Variants in SGCD observed in about 807,000 individuals in gnomAD.
SGCD encodes delta-sarcoglycan.
SGCD carries 18 observed loss-of-function variants against 36.6 expected under a neutral mutation model. That is an observed-to-expected ratio of 0.49 (90% CI 0.34 to 0.73). SGCD has a LOEUF of 0.73. Among genes scored for constraint, SGCD ranks in the 30% least tolerant of loss-of-function variants. SGCD has a pLI of 0.01. For missense variants in SGCD, 387 were observed against 346.7 expected, an observed-to-expected ratio of 1.12 and a Z score of -0.92; for synonymous variants, 133 against 130.6, an observed-to-expected ratio of 1.02 and a Z score of -0.12.
chr5:156,573,799 T>C lies in SGCD; in HGVS notation c.295-15432T>C, dbSNP rs371812814. Among the ~76,000 whole-genome samples, 33 of 152,246 alleles carry C rather than the reference T, an allele frequency of 2.2e-4. No individual in the cohort carries two copies. In the South Asian group the frequency reaches 6.9e-3, roughly 32 times the overall value. ...ACCTCAAACTCCTGGACTCAAGTGA[T>C]CCTCTCAACTCTGCCTCCCCAGTAG... On this transcript the variant is annotated intron_variant, in intron 4 of 8. Transcript: ENST00000337851.
intron 3 of SGCD, among the ~76,000 whole-genome samples, chr5:156,142,226 G>GAA (rs1227164476): frequency 6.6e-6 from 1 of 152,116 alleles, no homozygotes; most frequent in African/African-American, 2.4e-5. Context: ...AAGTTTCCTG[G>GAA]GGCCTCCCCG....
intron 7 of SGCD, among the ~76,000 whole-genome samples, chr5:156,648,993 G>A (rs930225126): frequency 6.6e-5 from 10 of 152,014 alleles, no homozygotes; most frequent in Non-Finnish European, 1.2e-4. Flanking sequence ...GTGATGATTA[G>A]CCCCAAGAAA....
chr5:155,928,729 T>C (rs970625795), intron 1 of SGCD, among the ~76,000 whole-genome samples: 4 of 144,932 alleles, frequency 2.8e-5, no homozygotes, highest in African/African-American at 1.0e-4. Flanking sequence ...AAAATATGAA[T>C]GCCTTTAGGA....
At chr5:156,046,896 G>A (rs1759779577) in intron 1 of SGCD, among the ~76,000 whole-genome samples, 1 of 152,136 alleles carries the variant, frequency 6.6e-6, no homozygotes, top group East Asian at 1.9e-4. Flanking sequence ...GAAAGCTTGG[G>A]CTCTTGCATC....
intron 1 of SGCD, among the ~76,000 whole-genome samples, chr5:156,070,985 T>C (rs959935814): frequency 3.3e-5 from 5 of 152,214 alleles, no homozygotes; most frequent in African/African-American, 4.8e-5. Context: ...ATATCCCCTT[T>C]ATCATTTTTT....
Position 156,087,606 on chromosome 5 carries a change from C to T in SGCD, c.-281-30272C>T, listed in dbSNP as rs145718760. The stretch of plus-strand genomic sequence containing the variant: ...AGTGAGCCGAGATCGAGCCATTGCA[C>T]TCCAGCCTGGGTGACAAGAGTGAAA... On this transcript the variant is annotated intron_variant, in intron 1 of 9. Transcript: ENST00000517913. Among the ~76,000 whole-genome samples, 289 of 145,098 alleles carry T rather than the reference C, an allele frequency of 2.0e-3. 1 individual carries two copies. The highest frequency in any genetic ancestry group is 7.0e-3 in the African/African-American group (273 of 38,762).
At chr5:156,590,927 C>T (rs1271122948) in intron 5 of SGCD, among the ~76,000 whole-genome samples, 1 of 151,884 alleles carries the variant, frequency 6.6e-6, no homozygotes, top group Non-Finnish European at 1.5e-5. Flanking sequence ...TCCTCCTTCT[C>T]CCTCCTCCTG....
At chr5:156,347,903 T>C (rs1052369518) in intron 3 of SGCD, among the ~76,000 whole-genome samples, 3 of 152,150 alleles carry the variant, frequency 2.0e-5, no homozygotes, top group African/African-American at 7.2e-5. Flanking sequence ...ATTGCCAAAA[T>C]TGAGAGTCCT....
chr5:155,868,844 A>G (rs1165053969), upstream of SGCD, among the ~76,000 whole-genome samples: 1 of 152,178 alleles, frequency 6.6e-6, no homozygotes, highest in African/African-American at 2.4e-5. Context: ...GGAAAATAGG[A>G]TTCAGAGTGC....
chr5:155,780,876 T>C, the SGCD span, among the ~76,000 whole-genome samples: 1 of 152,200 alleles, frequency 6.6e-6, no homozygotes, highest in East Asian at 1.9e-4. Context: ...ATAGCGAGTC[T>C]GACATTATCA....
chr5:156,114,060 A>C (rs1443392132), intron 1 of SGCD, among the ~76,000 whole-genome samples: 1 of 152,124 alleles, frequency 6.6e-6, no homozygotes, highest in Non-Finnish European at 1.5e-5. Context: ...TCTGTATGAT[A>C]CTATAATGCT....
intron 2 of SGCD, among the ~76,000 whole-genome samples, chr5:156,337,820 T>C (rs1768437679): frequency 6.6e-6 from 1 of 152,208 alleles, no homozygotes. Context: ...ATAGTAGATG[T>C]CAAAATATAT....
chr5:156,223,460 C>T (rs13354060), intron 3 of SGCD, among the ~76,000 whole-genome samples: 149 of 152,162 alleles, frequency 9.8e-4, no homozygotes, highest in South Asian at 3.1e-3. Context: ...TGGAGAATAG[C>T]GGAAGTCCAA....
At chr5:156,738,551 A>G (rs566023267) in intron 7 of SGCD, 1 of 152,228 alleles carries the variant, frequency 6.6e-6, no homozygotes, top group Non-Finnish European at 1.5e-5. Flanking sequence ...TTAGCATGGA[A>G]GAAGAATGGA....
At chr5:155,846,726 T>C in the SGCD span, among the ~76,000 whole-genome samples, 1 of 152,240 alleles carries the variant, frequency 6.6e-6, no homozygotes, top group Non-Finnish European at 1.5e-5. Context: ...CAATTCTCTG[T>C]ATAACACAAA....
chr5:156,028,896 A>G (rs557477610), intron 1 of SGCD, among the ~76,000 whole-genome samples: 1 of 152,326 alleles, frequency 6.6e-6, no homozygotes, highest in Admixed American at 6.5e-5. Flanking sequence ...TAATTAAAAG[A>G]CATACCACTC....
chr5:155,899,517 T>C (rs1227758866), intron 1 of SGCD, among the ~76,000 whole-genome samples: 2 of 152,206 alleles, frequency 1.3e-5, no homozygotes, highest in Non-Finnish European at 2.9e-5. Flanking sequence ...TGCACATTAA[T>C]TAACACTTCC....
chr5:155,777,897 G>A, the SGCD span, among the ~76,000 whole-genome samples: 1 of 152,116 alleles, frequency 6.6e-6, no homozygotes, highest in Non-Finnish European at 1.5e-5. Context: ...AACACTGAAA[G>A]TTGTTCCAGC....
chr5:156,215,940 T>TATCA (rs1764560684), intron 3 of SGCD, among the ~76,000 whole-genome samples: 1 of 152,210 alleles, frequency 6.6e-6, no homozygotes, highest in Admixed American at 6.5e-5. Context: ...AACAAAGTTC[T>TATCA]ATCAATGGGT....
Sources: gnomAD v4.1 joint callset for allele counts (sites outside exome capture counted in the v4.1 genomes callset) on GRCh38, gnomAD v4.1.1 for gene constraint, MANE v1.5 for transcripts, NCBI Gene and HGNC (gene_info 2026-07-23, HGNC 2026-07-21) for gene names.